The following PIEZO1 variants were observed in gnomAD, a reference collection of about 807,000 sequenced individuals.
The protein encoded by PIEZO1 is piezo-type mechanosensitive ion channel component 1.
PIEZO1 carries 296 observed loss-of-function variants against 297.2 expected under a neutral mutation model. The ratio of observed to expected loss-of-function variants is 1.00; its 90% confidence interval spans 0.91 to 1.10. PIEZO1 has a LOEUF of 1.10. Among genes scored for constraint, PIEZO1 ranks in the 50% least tolerant of loss-of-function variants. The pLI, the probability that PIEZO1 is intolerant of heterozygous loss-of-function variation, is 0.00. For synonymous variants in PIEZO1, 2,427 were observed against 1,507.5 expected (o/e 1.61, Z -14.13); for missense variants, 5,018 against 3,455.5 (o/e 1.45, Z -11.34).
At chr16:88,732,234 A>T (rs1193949650) in intron 21 of PIEZO1, 101 bp downstream of exon 21, 1 of 1,068,688 alleles carries the variant, frequency 9.4e-7, no homozygotes. Flanking sequence ...GGCCCAGGCA[A>T]ACCCAGGTGG....
At chr16:88,764,934 G>A (rs1907104078) in intron 1 of PIEZO1, among the ~76,000 whole-genome samples, 1 of 152,106 alleles carries the variant, frequency 6.6e-6, no homozygotes. Context: ...GGCTTCCTAA[G>A]AAGCCTGGCC....
At chr16:88,731,609 A>C in intron 22 of PIEZO1, 97 bp downstream of exon 22, 1 of 902,388 alleles carries the variant, frequency 1.1e-6, no homozygotes, top group South Asian at 1.6e-5. Context: ...GGCTAAGTCT[A>C]GGAGGGTGGA....
intron 1 of PIEZO1, among the ~76,000 whole-genome samples, chr16:88,759,364 C>T (rs962932385): frequency 4.6e-5 from 7 of 152,214 alleles, no homozygotes; most frequent in African/African-American, 1.2e-4. Context: ...TCAGAGTTCG[C>T]GGATGACAGC....
At chr16:88,763,407 G>A (rs1907019902) in intron 1 of PIEZO1, among the ~76,000 whole-genome samples, 1 of 152,204 alleles carries the variant, frequency 6.6e-6, no homozygotes, top group Non-Finnish European at 1.5e-5. Flanking sequence ...GGCCAGGTAT[G>A]GTGACTCCTG....
chr16:88,724,129 G>A (rs559040036), intron 30 of PIEZO1, among the ~76,000 whole-genome samples, 158 bp from the exon 31 acceptor site: 1 of 152,388 alleles, frequency 6.6e-6, no homozygotes, highest in African/African-American at 2.4e-5. Context: ...GGTGGGACAA[G>A]ACAGAGGTGG....
chr16:88,725,467 G>T lies in PIEZO1; in HGVS notation c.4111C>A (p.Arg1371Ser). 2 of 1,511,174 alleles carry T rather than the reference G, an allele frequency of 1.3e-6. No individual in the cohort carries two copies. The allele number at this position is 1,511,174 out of a possible 1,614,324, so 93.6% of individuals were successfully genotyped here. A position where few individuals can be genotyped will look rare whatever the true frequency, so the allele number is the denominator to read the frequency against. ...QEKHRQGRVD[R>S]SRPQDTLGPK... ...CCCAGGGTGTCCTGGGGGCGACTGC[G>T]GTCCACCCGGCCCTGCCTGTGCTTC... The change falls in exon 29 of 51, where the codon CGC (arginine) becomes AGC (serine). Residue 1371 changes from arginine (R) to serine (S), a missense_variant. Arg to Ser is a moderately radical substitution (Grantham distance 110). Transcript: ENST00000301015.
Position 88,785,136 on chromosome 16 carries a change from G to C in PIEZO1, c.-172C>G. On this transcript the variant is annotated 5_prime_UTR_variant, in exon 1 of 51. Coordinates refer to ENST00000301015, the MANE Select transcript of PIEZO1 (RefSeq NM_001142864.4). ...CCGCCGGTGCCGACGTCCCGGGCCC[G>C]CGCTCGCTCAGGCGACCGCCCTGCC... The C allele has an allele frequency of 2.9e-6, 1 of 342,608 alleles. No homozygotes were observed. The highest frequency in any genetic ancestry group is 4.9e-6 in the Non-Finnish European group (1 of 205,044). The allele number at this position is 342,608 out of a possible 1,614,324, so 21.2% of individuals were successfully genotyped here. A position where few individuals can be genotyped will look rare whatever the true frequency, so the allele number is the denominator to read the frequency against.
At chr16:88,728,334 A>G (rs1186441435) in intron 22 of PIEZO1, among the ~76,000 whole-genome samples, 1 of 152,286 alleles carries the variant, frequency 6.6e-6, no homozygotes, top group Non-Finnish European at 1.5e-5. Context: ...GACTCCACGC[A>G]TCTGCGAAAC....
chr16:88,776,115 G>T lies in PIEZO1; in HGVS notation c.64+8786C>A, dbSNP rs567522099. Among the ~76,000 whole-genome samples the T allele has an allele frequency of 5.3e-5, 8 of 151,926 alleles. No homozygotes were observed. The South Asian group carries it at 1.7e-3, about 32-fold the overall frequency. ...GTTAAACACGTGCCACCCAGGACCC[G>T]AGATCCCACACTGTGGTGCACAGAA... On this transcript the variant is annotated intron_variant, in intron 1 of 50. Coordinates refer to ENST00000301015, the MANE Select transcript of PIEZO1 (RefSeq NM_001142864.4).
At position 88,720,506 on chromosome 16, in the gene PIEZO1, C is replaced by T. The variant is rs115799619; in HGVS notation, c.5828G>A (p.Arg1943Gln). The T allele has an allele frequency of 1.5e-3, 2,293 of 1,550,214 alleles. 26 individuals are homozygous for T. The African/African-American group carries it at 0.028, about 19-fold the overall frequency. The change falls in exon 41 of 51, where the codon CGG (arginine) becomes CAG (glutamine). Residue 1943 changes from arginine (R) to glutamine (Q), a missense_variant. By Grantham distance (43) the Arg-to-Gln change is conservative. Transcript: ENST00000301015. ...SLAQGTYRPL[R>Q]RFFHDILHTK... ...GTGCAGGATGTCGTGGAAGAAGCGC[C>T]GTAGCGGCCGATATGTGCCCTGGGC...
rs895110158 is a variant in PIEZO1 at position 88,737,916 on chromosome 16, T to G, written c.1020+18A>C. On this transcript the variant is annotated intron_variant, in intron 8 of 50. Transcript: ENST00000301015. ...TGGCCTGGCCTCAGCCCACCCACCA[T>G]GGGTGGCAGGTGCTCACCTGGCCGG... 3.3e-5 allele frequency: 51 copies of G among 1,529,858 alleles called. No homozygotes were observed. The highest frequency in any genetic ancestry group is 4.4e-5 in the Non-Finnish European group (50 of 1,142,544). 94.8% of individuals were successfully genotyped at this position (1,529,858 alleles called of 1,614,324 possible).
chr16:88,760,807 C>T (rs1182228607), intron 1 of PIEZO1, among the ~76,000 whole-genome samples: 1 of 152,256 alleles, frequency 6.6e-6, no homozygotes, highest in African/African-American at 2.4e-5. Context: ...TCCTCACCTA[C>T]TTGGAGCCCG....
intron 1 of PIEZO1, among the ~76,000 whole-genome samples, chr16:88,750,734 T>C (rs1041971134): frequency 6.6e-6 from 1 of 152,182 alleles, no homozygotes; most frequent in Non-Finnish European, 1.5e-5. Flanking sequence ...TGTCGTCTCC[T>C]CGCAGGGGAC....
intron 1 of PIEZO1, among the ~76,000 whole-genome samples, chr16:88,758,613 C>T (rs1476534369): frequency 6.6e-6 from 1 of 152,218 alleles, no homozygotes; most frequent in African/African-American, 2.4e-5. Context: ...CCTCGGCACC[C>T]ACCTGCAGAG....
chr16:88,716,777 C>G lies in PIEZO1; in HGVS notation c.6753+29G>C, dbSNP rs1446435538. The stretch of plus-strand genomic sequence containing the variant: ...CAGTGACTGCAGCCGCCTCCCCACA[C>G]CAGCTTTCACAGGGCAGAGGCCACT... On this transcript the variant is annotated intron_variant, in intron 46 of 50. Transcript: ENST00000301015. 9.7e-6 allele frequency: 15 copies of G among 1,549,340 alleles called. No homozygotes were observed. The Admixed American group carries it at 2.5e-4, about 26-fold the overall frequency.
intron 22 of PIEZO1, among the ~76,000 whole-genome samples, chr16:88,729,662 A>C (rs1174460579): frequency 2.1e-5 from 3 of 145,192 alleles, no homozygotes; most frequent in Non-Finnish European, 4.5e-5. Flanking sequence ...GCGACCCAAA[A>C]ACAAAGTGAC....
In PIEZO1 at chr16:88,738,575, TGCAA is replaced by T. The variant is rs1567676501; in HGVS notation, c.623_626del (p.Leu208HisfsTer147). The T allele has an allele frequency of 2.6e-6, 4 of 1,535,010 alleles. No individual in the cohort carries two copies. Among genetic ancestry groups the T allele is most frequent in the Non-Finnish European group, 3.5e-6 (4 of 1,146,434 alleles). ...CCCTGCCTCGGTGCGTACCTGCCAGTGCAAGCAGTGTTACGGCCAGGACCCGCCC... is the reference window on the plus strand; with the variant it reads ...CCCTGCCTCGGTGCGTACCTGCCAGTGCAGTGTTACGGCCAGGACCCGCCC... On this transcript the variant is annotated frameshift_variant, in exon 6 of 51. Transcript: ENST00000301015. LOFTEE classifies it high-confidence loss of function.
chr16:88,775,169 C>T (rs151089868), intron 1 of PIEZO1, among the ~76,000 whole-genome samples: 133 of 152,332 alleles, frequency 8.7e-4, no homozygotes, highest in Non-Finnish European at 1.6e-3. Flanking sequence ...CCTGACAGGA[C>T]GCAGGCCCTG....
chr16:88,774,627 A>G (rs1367025374), intron 1 of PIEZO1, among the ~76,000 whole-genome samples: 1 of 152,146 alleles, frequency 6.6e-6, no homozygotes, highest in Non-Finnish European at 1.5e-5. Context: ...GAAGCCTGAA[A>G]AGGAAGCCGG....
Sources: gnomAD v4.1 joint callset for allele counts (sites outside exome capture counted in the v4.1 genomes callset) on GRCh38, gnomAD v4.1.1 for gene constraint, MANE v1.5 for transcripts, NCBI Gene and HGNC (gene_info 2026-07-23, HGNC 2026-07-21) for gene names.